Variants in KDM4C observed in about 807,000 individuals in gnomAD.
KDM4C encodes lysine-specific demethylase 4C.
A neutral mutation model predicts 129.3 loss-of-function variants in KDM4C; 81 were observed. The ratio of observed to expected loss-of-function variants is 0.63; its 90% confidence interval spans 0.52 to 0.75. The LOEUF is 0.75. Ranked by LOEUF, KDM4C falls within the 30% of genes least tolerant of loss-of-function variation. The pLI, the probability that KDM4C is intolerant of heterozygous loss-of-function variation, is 0.00. For missense variants in KDM4C, 1,457 were observed against 1,304.0 expected (o/e 1.12, Z -1.81); for synonymous variants, 573 against 456.1 (o/e 1.26, Z -3.26).
At chr9:7,128,316 T>C in intron 19 of KDM4C, 80 bp downstream of exon 19, 13 of 1,207,458 alleles carry the variant, frequency 1.1e-5, no homozygotes, top group Non-Finnish European at 1.4e-5. Flanking sequence ...TTCAGAATTT[T>C]TCTTTTGGCT....
intron 17 of KDM4C, among the ~76,000 whole-genome samples, chr9:7,091,467 G>T (rs955253856): frequency 3.3e-5 from 5 of 152,108 alleles, no homozygotes; most frequent in Non-Finnish European, 7.3e-5. Flanking sequence ...TCTAGGAAAA[G>T]GCAGAAATAC....
At chr9:6,954,046 T>A (rs1460162681) in intron 8 of KDM4C, among the ~76,000 whole-genome samples, 1 of 152,214 alleles carries the variant, frequency 6.6e-6, no homozygotes, top group Non-Finnish European at 1.5e-5. Context: ...CTTTGCTTTC[T>A]CTTCCTTCAC....
In KDM4C at chr9:6,810,609, C is replaced by T. The variant is rs148428488; in HGVS notation, c.321-4022C>T. Among the ~76,000 whole-genome samples the T allele has an allele frequency of 6.5e-3, 982 of 152,076 alleles. 7 individuals are homozygous for T. Among genetic ancestry groups the T allele is most frequent in the African/African-American group, 0.022 (931 of 41,458 alleles). ...AATTTACGCTGGGTACAGTGGTTCA[C>T]GCTTGTAGTCCCAACACTTTGGGAG... is the stretch of plus-strand genomic sequence containing the variant. On this transcript the variant is annotated intron_variant, in intron 3 of 21. Transcript: ENST00000381309.
At chr9:7,097,104 A>G (rs1419624909) in intron 17 of KDM4C, among the ~76,000 whole-genome samples, 2 of 152,164 alleles carry the variant, frequency 1.3e-5, no homozygotes, top group Non-Finnish European at 2.9e-5. Context: ...CAGTGGCTGA[A>G]GCCTGCTAGT....
intron 8 of KDM4C, among the ~76,000 whole-genome samples, chr9:6,909,347 A>G (rs1258011799): frequency 6.6e-6 from 1 of 152,180 alleles, no homozygotes; most frequent in African/African-American, 2.4e-5. Context: ...CTCTTACTGG[A>G]CCCAAAAGGC....
At chr9:6,977,817 C>T (rs955422520) in intron 8 of KDM4C, among the ~76,000 whole-genome samples, 1 of 152,038 alleles carries the variant, frequency 6.6e-6, no homozygotes, top group African/African-American at 2.4e-5. Flanking sequence ...TTTTCAATCC[C>T]CCACAAGTCT....
At chr9:6,771,612 G>A (rs1821864215) in intron 1 of KDM4C, among the ~76,000 whole-genome samples, 1 of 152,156 alleles carries the variant, frequency 6.6e-6, no homozygotes. Flanking sequence ...CACCCGGCCA[G>A]TATTTCAAAT....
chr9:7,141,388 G>A (rs544020513), intron 19 of KDM4C, among the ~76,000 whole-genome samples: 3 of 152,146 alleles, frequency 2.0e-5, no homozygotes, highest in Non-Finnish European at 4.4e-5. Flanking sequence ...ACAACATAAG[G>A]TGGGTTGGAC....
At chr9:6,961,514 A>G (rs74709801) in intron 8 of KDM4C, among the ~76,000 whole-genome samples, 8,402 of 152,288 alleles carry the variant, frequency 0.055, 349 homozygotes, top group East Asian at 0.17. Flanking sequence ...AGAAGGTAAC[A>G]TTGTAACTAT....
At chr9:6,926,497 A>G (rs1010691880) in intron 8 of KDM4C, among the ~76,000 whole-genome samples, 2 of 152,266 alleles carry the variant, frequency 1.3e-5, no homozygotes, top group Non-Finnish European at 1.5e-5. Context: ...AAATTATATG[A>G]TTGGCTTATA....
intron 17 of KDM4C, among the ~76,000 whole-genome samples, chr9:7,089,279 T>C (rs1835509762): frequency 1.3e-5 from 2 of 152,312 alleles, no homozygotes; most frequent in African/African-American, 2.4e-5. Context: ...GAAGTCATCA[T>C]ATGTTCCTCC....
rs1301020070 is a variant in KDM4C, at chr9:6,857,874, C to T, written c.629+8174C>T. 2.7e-5 allele frequency among the ~76,000 whole-genome samples: 4 copies of T among 150,932 alleles called. No individual in the cohort carries two copies. The East Asian group carries it at 7.7e-4, about 29-fold the overall frequency. ...GGCTCAAGCGATCCTCCCACCTCAG[C>T]CTCCTGAGTAGCTAGGACTACAGGT... On this transcript the variant is annotated intron_variant, in intron 5 of 21. Transcript: ENST00000381309.
Position 6,809,532 on chromosome 9 carries a change from A to G in KDM4C, c.320+3758A>G, listed in dbSNP as rs533609181. On this transcript the variant is annotated intron_variant, in intron 3 of 21. Coordinates refer to ENST00000381309, the MANE Select transcript of KDM4C (RefSeq NM_015061.6). ...ATTGTTAATACTCTTGATAATTGTC[A>G]TAACTGCCATAGGAAAGGTACAAAG... is the stretch of plus-strand genomic sequence containing the variant. Among the ~76,000 whole-genome samples, 591 of 152,306 alleles carry G rather than the reference A, an allele frequency of 3.9e-3. 6 individuals carry two copies. The highest frequency in any genetic ancestry group is 0.014 in the African/African-American group (563 of 41,558).
At chr9:7,130,041 G>T (rs1475074571) in intron 19 of KDM4C, among the ~76,000 whole-genome samples, 1 of 152,212 alleles carries the variant, frequency 6.6e-6, no homozygotes, top group African/African-American at 2.4e-5. Flanking sequence ...ATATGCAGGA[G>T]CAAGAGAGGC....
At chr9:7,081,955 TGGACTTTTTAGAAA>T (rs1834571319) in intron 17 of KDM4C, among the ~76,000 whole-genome samples, 1 of 152,266 alleles carries the variant, frequency 6.6e-6, no homozygotes, top group South Asian at 2.1e-4. Context: ...TGCCGGCTAA[TGGACTTTTTAGAAA>T]GGTGTTTTGG....
intron 19 of KDM4C, among the ~76,000 whole-genome samples, chr9:7,158,303 G>A (rs1333590359): frequency 6.9e-6 from 1 of 145,572 alleles, no homozygotes; most frequent in Admixed American, 6.9e-5. Context: ...CAAAAAACCA[G>A]CTCCTGGATT....
chr9:7,174,396 C>G, intron 21 of KDM4C, among the ~76,000 whole-genome samples, 157 bp from the exon 22 acceptor site: 1 of 152,276 alleles, frequency 6.6e-6, no homozygotes, highest in South Asian at 2.1e-4. Flanking sequence ...GTGGGAGAGG[C>G]GAGGGAAAGC....
chr9:6,777,709 G>A (rs977712208), intron 1 of KDM4C, among the ~76,000 whole-genome samples: 1 of 151,820 alleles, frequency 6.6e-6, no homozygotes, highest in Non-Finnish European at 1.5e-5. Context: ...TTGGTTCACC[G>A]CAACCTCCAC....
At chr9:7,012,268 T>A (rs1232222637) in intron 13 of KDM4C, among the ~76,000 whole-genome samples, 2 of 152,126 alleles carry the variant, frequency 1.3e-5, no homozygotes, top group Non-Finnish European at 2.9e-5. Context: ...TTGTAGCGAC[T>A]GGGTCTTACT....
Sources: allele counts gnomAD v4.1 joint callset (sites outside exome capture counted in the v4.1 genomes callset), GRCh38; gene constraint gnomAD v4.1.1; transcripts MANE v1.5; gene names NCBI Gene and HGNC (gene_info 2026-07-23, HGNC 2026-07-21).